LRP1B: variants seen among roughly 807,000 people sequenced by gnomAD.
The protein encoded by LRP1B is low-density lipoprotein receptor-related protein 1B.
Under a neutral mutation model 556.6 loss-of-function variants are expected in LRP1B, and 217 were observed. The observed-to-expected ratio is 0.39, with a 90% CI of 0.35 to 0.44. LRP1B has a LOEUF of 0.44. LRP1B is among the 20% of genes least tolerant of loss of function. The pLI is 1.00. For synonymous variants in LRP1B, 2,047 were observed against 1,865.8 expected (o/e 1.10, Z -2.50); for missense variants, 5,053 against 5,620.8 (o/e 0.90, Z 3.23).
intron 2 of LRP1B, among the ~76,000 whole-genome samples, chr2:141,630,811 T>C (rs1465437053): frequency 6.6e-6 from 1 of 152,254 alleles, no homozygotes; most frequent in South Asian, 2.1e-4. Flanking sequence ...TTTATCCAAC[T>C]ATCAATTGTG....
intron 7 of LRP1B, among the ~76,000 whole-genome samples, chr2:141,140,735 T>C (rs1490691791): frequency 6.6e-6 from 1 of 152,186 alleles, no homozygotes; most frequent in Non-Finnish European, 1.5e-5. Context: ...ATTTCTGTTG[T>C]TTAAGCCACC....
intron 32 of LRP1B, among the ~76,000 whole-genome samples, chr2:140,778,635 T>C (rs1461832895): frequency 1.3e-5 from 2 of 152,134 alleles, no homozygotes; most frequent in East Asian, 3.9e-4. Context: ...ATTAGGCCAA[T>C]ACATTATATA....
intron 41 of LRP1B, among the ~76,000 whole-genome samples, chr2:140,682,940 T>C (rs928404057): frequency 6.6e-6 from 1 of 152,144 alleles, no homozygotes; most frequent in Non-Finnish European, 1.5e-5. Context: ...TATATCTGAA[T>C]CTGAGTAGCT....
intron 20 of LRP1B, among the ~76,000 whole-genome samples, chr2:140,930,267 T>C (rs940420206): frequency 2.0e-5 from 3 of 152,128 alleles, no homozygotes; most frequent in Non-Finnish European, 4.4e-5. Context: ...AATACAATTT[T>C]ATTGTATTTT....
intron 6 of LRP1B, among the ~76,000 whole-genome samples, chr2:141,207,868 G>A (rs918378817): frequency 6.6e-5 from 10 of 152,140 alleles, no homozygotes; most frequent in Non-Finnish European, 1.5e-4. Flanking sequence ...TAAAGATGGG[G>A]TTTTACCATT....
chr2:140,489,769 G>A lies in LRP1B; in HGVS notation c.9121-2030C>T, dbSNP rs544779778. ...GAGCTTTGCAGGGAAAAAGCAGAGA[G>A]AAACATGTCTCTAACTTGAGCAAAG... On this transcript the variant is annotated intron_variant, in intron 57 of 90. Coordinates refer to ENST00000389484, the MANE Select transcript of LRP1B (RefSeq NM_018557.3). 2.6e-5 allele frequency among the ~76,000 whole-genome samples: 4 copies of A among 152,170 alleles called. No individual in the cohort carries two copies. The South Asian group carries it at 8.3e-4, about 32-fold the overall frequency.
intron 2 of LRP1B, among the ~76,000 whole-genome samples, chr2:141,567,332 C>A (rs1404451769): frequency 1.3e-5 from 2 of 151,830 alleles, no homozygotes; most frequent in Non-Finnish European, 2.9e-5. Context: ...GGAAAGAAAA[C>A]ATTTACCTAA....
At chr2:141,905,974 A>C (rs1699747589) in intron 1 of LRP1B, among the ~76,000 whole-genome samples, 1 of 140,986 alleles carries the variant, frequency 7.1e-6, no homozygotes. Flanking sequence ...ATACATCTCT[A>C]AGAGGACTAG....
intron 1 of LRP1B, among the ~76,000 whole-genome samples, chr2:142,030,251 G>A (rs77887603): frequency 0.013 from 1,902 of 151,982 alleles, 15 homozygotes; most frequent in Non-Finnish European, 0.02. Context: ...AAGTTATGAA[G>A]AAGGCTATAA....
Position 141,643,520 on chromosome 2 carries a change from T to C in LRP1B, c.206-162987A>G, listed in dbSNP as rs190356433. 1.1e-4 allele frequency among the ~76,000 whole-genome samples: 17 copies of C among 152,308 alleles called. No individual in the cohort carries two copies. The East Asian group carries it at 3.1e-3, about 28-fold the overall frequency. On this transcript the variant is annotated intron_variant, in intron 2 of 90. Transcript: ENST00000389484. ...AGGTTTGTGGGAAAATCTGTCTCAA[T>C]ATCACACCTTGTTCATTCTTTCATG... is the stretch of plus-strand genomic sequence containing the variant.
chr2:140,502,921 A>G (rs1222576127), intron 54 of LRP1B, 42 bp downstream of exon 54: 2 of 1,596,720 alleles, frequency 1.3e-6, no homozygotes, highest in East Asian at 4.5e-5. Context: ...TTTCCATTGA[A>G]AACACTTTAG....
At chr2:141,505,167 T>C (rs1020019421) in intron 2 of LRP1B, among the ~76,000 whole-genome samples, 10 of 151,900 alleles carry the variant, frequency 6.6e-5, no homozygotes, top group African/African-American at 2.4e-4. Context: ...TCATTTCTAT[T>C]ATACTGATAC....
chr2:141,736,100 C>T (rs1049102656), intron 2 of LRP1B, among the ~76,000 whole-genome samples: 4 of 152,056 alleles, frequency 2.6e-5, no homozygotes, highest in African/African-American at 9.7e-5. Context: ...AGGTTGTTCC[C>T]AGAAAGAATA....
At chr2:140,843,420 T>G (rs778402650) in intron 29 of LRP1B, among the ~76,000 whole-genome samples, 2 of 152,112 alleles carry the variant, frequency 1.3e-5, no homozygotes, top group African/African-American at 4.8e-5. Flanking sequence ...TGCCCCAAGG[T>G]ATTCAACAGC....
chr2:141,794,640 G>A (rs771221502), intron 2 of LRP1B, among the ~76,000 whole-genome samples: 2 of 151,882 alleles, frequency 1.3e-5, no homozygotes, highest in Non-Finnish European at 2.9e-5. Flanking sequence ...GATATTTAGG[G>A]TATGGTACTA....
intron 6 of LRP1B, among the ~76,000 whole-genome samples, chr2:141,203,156 A>G (rs1682115866): frequency 6.6e-6 from 1 of 152,214 alleles, no homozygotes; most frequent in Admixed American, 6.5e-5. Context: ...ACTAGATAGC[A>G]TCATAATGAC....
intron 43 of LRP1B, among the ~76,000 whole-genome samples, chr2:140,573,722 T>C (rs150427195): frequency 6.1e-4 from 93 of 152,110 alleles, no homozygotes; most frequent in African/African-American, 2.2e-3. Flanking sequence ...TGAAATCAAC[T>C]ATTTCCAAGT....
At chr2:140,561,543 A>G (rs1420320699) in intron 43 of LRP1B, among the ~76,000 whole-genome samples, 2 of 152,144 alleles carry the variant, frequency 1.3e-5, no homozygotes, top group Non-Finnish European at 2.9e-5. Context: ...ATCTTTTGTT[A>G]TAGAAGTGTC....
intron 2 of LRP1B, among the ~76,000 whole-genome samples, chr2:141,740,651 G>A (rs1299827628): frequency 6.6e-6 from 1 of 151,924 alleles, no homozygotes; most frequent in Non-Finnish European, 1.5e-5. Context: ...TACTATAGTC[G>A]CCCTGTTCTG....
Sources: gnomAD v4.1 joint callset for allele counts (sites outside exome capture counted in the v4.1 genomes callset) on GRCh38, gnomAD v4.1.1 for gene constraint, MANE v1.5 for transcripts, NCBI Gene and HGNC (gene_info 2026-07-23, HGNC 2026-07-21) for gene names.